The following DNAI4 variants were observed in gnomAD, a reference collection of about 807,000 sequenced individuals.
The protein encoded by DNAI4 is dynein axonemal intermediate chain 4, also known as WD repeat domain 78.
In DNAI4, 85 loss-of-function variants were observed where a neutral mutation model predicts 105.8. The observed-to-expected ratio is 0.80, with a 90% CI of 0.67 to 0.96. DNAI4 has a LOEUF of 0.96. Ranked by LOEUF, DNAI4 falls within the 40% of genes least tolerant of loss-of-function variation. The probability of loss-of-function intolerance (pLI) is 0.00; values close to 1 mark genes in which losing one functional copy is unlikely to be tolerated. For synonymous variants in DNAI4, 352 were observed against 331.5 expected (o/e 1.06, Z -0.67); for missense variants, 1,014 against 1,005.6 (o/e 1.01, Z -0.11).
chr1:66,846,748 G>A (rs533029396), intron 8 of DNAI4, among the ~76,000 whole-genome samples: 18 of 152,304 alleles, frequency 1.2e-4, no homozygotes, highest in African/African-American at 4.3e-4. Context: ...ACTGGAACTT[G>A]AGATCAAAAG....
intron 11 of DNAI4, among the ~76,000 whole-genome samples, chr1:66,834,490 T>C (rs1242853909): frequency 6.6e-6 from 1 of 152,118 alleles, no homozygotes; most frequent in Non-Finnish European, 1.5e-5. Context: ...TGACTTTTAC[T>C]TTATTTTAGA....
At position 66,874,813 on chromosome 1, in the gene DNAI4, G is replaced by T; in HGVS notation, c.768C>A (p.Val256=). The T allele has an allele frequency of 6.2e-7, 1 of 1,613,554 alleles. No homozygotes were observed. Among genetic ancestry groups the T allele is most frequent in the African/African-American group, 1.3e-5 (1 of 74,982 alleles). ...TCTCAGCTTCTTCAGATTCTACAGA[G>T]ACCATGACTGTGGGCAAGTCAAAAA... ...LRFFDLPTVM[V]SVESEEAEKV... Residue 256 remains valine, a synonymous_variant, in exon 5 of 17, where the codon GTC becomes GTA. Transcript: ENST00000371026.
chr1:66,890,541 G>C lies in DNAI4; in HGVS notation c.643+613C>G, dbSNP rs1390687843. The C allele has an allele frequency of 6.5e-6, 1 of 154,930 alleles. No individual in the cohort carries two copies. The highest frequency in any genetic ancestry group is 1.4e-5 in the Non-Finnish European group (1 of 70,250). 9.6% of individuals were successfully genotyped at this position (154,930 alleles called of 1,614,324 possible). ...TTGAACCCAGGAGGCGGAGGTTGCA[G>C]TGAGCTGAGATTGTGCCACTGCACG... On this transcript the variant is annotated intron_variant, in intron 4 of 16. Transcript: ENST00000371026. The surrounding 1 kb of genome is among the most constrained non-coding windows in gnomAD (Gnocchi z 4.1).
At chr1:66,862,389 A>T in intron 6 of DNAI4, 87 bp from the exon 7 acceptor site, 1 of 1,387,060 alleles carries the variant, frequency 7.2e-7, no homozygotes, top group Non-Finnish European at 9.9e-7. Context: ...AGAAAAAGCT[A>T]AGATAAGAAT....
At chr1:66,853,922 A>G (rs559097977) in intron 7 of DNAI4, among the ~76,000 whole-genome samples, 1 of 152,360 alleles carries the variant, frequency 6.6e-6, no homozygotes, top group East Asian at 1.9e-4. Flanking sequence ...TAGAAAAAAA[A>G]TGATACTGTC....
chr1:66,924,518 T>C (rs1196501178), intron 1 of DNAI4, 144 bp downstream of exon 1: 5 of 1,120,814 alleles, frequency 4.5e-6, no homozygotes, highest in South Asian at 1.4e-5. Context: ...AAAGGAGACA[T>C]TGTGGCCTAG....
intron 4 of DNAI4, among the ~76,000 whole-genome samples, chr1:66,882,389 C>T (rs1647091959): frequency 6.6e-6 from 1 of 152,168 alleles, no homozygotes; most frequent in Non-Finnish European, 1.5e-5. Context: ...TTACCAAAGC[C>T]AAGATCACAC....
At chr1:66,845,031 T>C (rs1020218144) in intron 8 of DNAI4, among the ~76,000 whole-genome samples, 2 of 151,428 alleles carry the variant, frequency 1.3e-5, no homozygotes, top group Admixed American at 1.3e-4. Context: ...CGGTCTCTAC[T>C]AAACTACAAA....
At position 66,915,827 on chromosome 1, in the gene DNAI4, G is replaced by GA. The variant is rs1373771264; in HGVS notation, c.170+8834dup. Among the ~76,000 whole-genome samples, 5 of 151,918 alleles carry GA rather than the reference G, an allele frequency of 3.3e-5. No homozygotes were observed. The South Asian group carries it at 8.3e-4, about 25-fold the overall frequency. On this transcript the variant is annotated intron_variant, in intron 1 of 16. Coordinates refer to ENST00000371026, the MANE Select transcript of DNAI4 (RefSeq NM_024763.5). ...GCTTAAAGAGAATAATTTTATATGA[G>GA]AAAAAAAATCTTTGGTCAAGCACAG... is the stretch of plus-strand genomic sequence containing the variant.
chr1:66,882,739 CT>C (rs1000443973), intron 4 of DNAI4, among the ~76,000 whole-genome samples: 14 of 145,974 alleles, frequency 9.6e-5, no homozygotes, highest in South Asian at 2.2e-4. Flanking sequence ...GAGTCCTTCA[CT>C]TTTTTTTTTT....
intron 5 of DNAI4, among the ~76,000 whole-genome samples, chr1:66,873,188 C>G (rs182094544): frequency 6.6e-6 from 1 of 151,404 alleles, no homozygotes; most frequent in Non-Finnish European, 1.5e-5. Context: ...TTCTCCCTCT[C>G]CTTCTCCCTC....
At chr1:66,866,408 T>C (rs1003347598) in intron 6 of DNAI4, among the ~76,000 whole-genome samples, 3 of 152,168 alleles carry the variant, frequency 2.0e-5, no homozygotes, top group South Asian at 2.1e-4. Context: ...GTTAAAGAGA[T>C]TGTATAATGT....
chr1:66,845,839 C>CGTGTGT (rs143467352), intron 8 of DNAI4, among the ~76,000 whole-genome samples: 3,100 of 115,258 alleles, frequency 0.027, 57 homozygotes, highest in Non-Finnish European at 0.032. Context: ...CAGAGCAATG[C>CGTGTGT]GTGTGTGTGT....
At chr1:66,887,356 A>G (rs1415986278) in intron 4 of DNAI4, among the ~76,000 whole-genome samples, 1 of 152,082 alleles carries the variant, frequency 6.6e-6, no homozygotes, top group Non-Finnish European at 1.5e-5. Context: ...AAAGTTGTTA[A>G]TTTTCCATTT....
intron 8 of DNAI4, among the ~76,000 whole-genome samples, chr1:66,842,376 GT>G (rs915252175): frequency 1.3e-5 from 2 of 151,932 alleles, no homozygotes; most frequent in Admixed American, 6.6e-5. Flanking sequence ...GTATGTTTGG[GT>G]TTTTTTGTTT....
intron 16 of DNAI4, among the ~76,000 whole-genome samples, chr1:66,817,890 T>A (rs1645550341): frequency 6.6e-6 from 1 of 152,082 alleles, no homozygotes; most frequent in South Asian, 2.1e-4. Flanking sequence ...ATTAGGTAAA[T>A]CCCCTTAAAT....
chr1:66,918,370 G>A (rs1650217663), intron 1 of DNAI4, among the ~76,000 whole-genome samples: 1 of 152,000 alleles, frequency 6.6e-6, no homozygotes, highest in South Asian at 2.1e-4. Context: ...AATTTTTCTT[G>A]GCCACAAGTC....
At chr1:66,887,075 A>T (rs1439992991) in intron 4 of DNAI4, among the ~76,000 whole-genome samples, 1 of 152,066 alleles carries the variant, frequency 6.6e-6, no homozygotes, top group African/African-American at 2.4e-5. Flanking sequence ...CTCAGCTCAG[A>T]TCCTCACTGA....
rs1417036616 is a variant in DNAI4 at position 66,890,178 on chromosome 1, C to G, written c.643+976G>C. On this transcript the variant is annotated intron_variant, in intron 4 of 16. Coordinates refer to ENST00000371026, the MANE Select transcript of DNAI4 (RefSeq NM_024763.5). This position sits in a 1 kb window ranked among gnomAD's most constrained non-coding sequence, Gnocchi z 4.1. ...AAAAAATTAGCCAGGCACGGTGGTA[C>G]ATGCCTGTATTCCCAGGTACTTCAG... is the stretch of plus-strand genomic sequence containing the variant. 6.6e-6 allele frequency: 1 copy of G among 152,054 alleles called. No individual in the cohort carries two copies. Among genetic ancestry groups the G allele is most frequent in the East Asian group, 1.9e-4 (1 of 5,186 alleles). The allele number at this position is 152,054 out of a possible 1,614,324, so 9.4% of individuals were successfully genotyped here. A position where few individuals can be genotyped will look rare whatever the true frequency, so the allele number is the denominator to read the frequency against.
Sources: allele counts gnomAD v4.1 joint callset (sites outside exome capture counted in the v4.1 genomes callset), GRCh38; gene constraint gnomAD v4.1.1; non-coding constraint Gnocchi (gnomAD v3.1); transcripts MANE v1.5; gene names NCBI Gene and HGNC (gene_info 2026-07-23, HGNC 2026-07-21).